Variants in MSI2 observed in about 807,000 individuals in gnomAD.
MSI2 encodes musashi RNA binding protein 2, also known as RNA-binding protein Musashi homolog 2.
Under a neutral mutation model 45.6 loss-of-function variants are expected in MSI2, and 17 were observed. The observed-to-expected ratio is 0.37, with a 90% confidence interval of 0.26 to 0.56. The LOEUF (loss-of-function observed/expected upper bound fraction) is 0.56, where lower values mean the gene tolerates loss of function less well. Ranked by LOEUF, MSI2 falls within the 20% of genes least tolerant of loss-of-function variation. The pLI is 0.77. For missense variants in MSI2, 293 were observed against 444.2 expected (o/e 0.66, Z 3.06); for synonymous variants, 156 against 158.2 (o/e 0.99, Z 0.11).
intron 11 of MSI2, among the ~76,000 whole-genome samples, chr17:57,654,957 A>G (rs1316670027): frequency 6.8e-6 from 1 of 147,120 alleles, no homozygotes; most frequent in Non-Finnish European, 1.5e-5. Context: ...TTATAGGGGA[A>G]GCTTCCTGAA....
intron 5 of MSI2, among the ~76,000 whole-genome samples, chr17:57,389,431 A>G (rs1056170962): frequency 6.6e-6 from 1 of 152,178 alleles, no homozygotes; most frequent in Admixed American, 6.5e-5. Context: ...TCCTTCTGCC[A>G]GACAGGCTGC....
intron 5 of MSI2, among the ~76,000 whole-genome samples, chr17:57,290,339 T>C (rs1910299097): frequency 6.6e-6 from 1 of 152,200 alleles, no homozygotes; most frequent in South Asian, 2.1e-4. Context: ...AGACAGAGTC[T>C]CCCTCTGTTA....
chr17:57,255,933 GC>G (rs1906672048), upstream of MSI2: 1 of 151,966 alleles, frequency 6.6e-6, no homozygotes, highest in Non-Finnish European at 1.5e-5. Flanking sequence ...CCATCCTGAA[GC>G]CCCCCGATCC....
intron 5 of MSI2, among the ~76,000 whole-genome samples, chr17:57,288,165 G>A (rs537015549): frequency 1.3e-5 from 2 of 152,340 alleles, no homozygotes; most frequent in South Asian, 4.1e-4. Flanking sequence ...TGTGTCATCT[G>A]TAAAATGGGG....
At chr17:57,604,848 C>G (rs1273028125) in intron 8 of MSI2, among the ~76,000 whole-genome samples, 1 of 149,010 alleles carries the variant, frequency 6.7e-6, no homozygotes, top group Non-Finnish European at 1.5e-5. Flanking sequence ...GCCCTGCCAC[C>G]TGGCAAGGTG....
At chr17:57,571,662 AT>A (rs2087881503) in intron 7 of MSI2, among the ~76,000 whole-genome samples, 1 of 152,234 alleles carries the variant, frequency 6.6e-6, no homozygotes, top group South Asian at 2.1e-4. Context: ...TCATCGAATG[AT>A]AGTAAGGATA....
intron 6 of MSI2, among the ~76,000 whole-genome samples, chr17:57,512,768 C>T (rs1174053431): frequency 2.0e-5 from 3 of 152,118 alleles, no homozygotes; most frequent in Admixed American, 6.5e-5. Context: ...ATCCTGGGTA[C>T]TCCTTGCTCA....
At chr17:57,431,596 G>A (rs931971243) in intron 6 of MSI2, among the ~76,000 whole-genome samples, 4 of 152,186 alleles carry the variant, frequency 2.6e-5, no homozygotes, top group African/African-American at 7.2e-5. Context: ...TCTCTTTGAC[G>A]TGAGAAGACA....
intron 7 of MSI2, among the ~76,000 whole-genome samples, chr17:57,567,270 T>C (rs954483393): frequency 2.0e-5 from 3 of 152,156 alleles, no homozygotes; most frequent in African/African-American, 4.8e-5. Context: ...GTGGGGAAAA[T>C]GGCTTGAAAA....
intron 7 of MSI2, among the ~76,000 whole-genome samples, chr17:57,560,364 C>T (rs1231491549): frequency 6.6e-6 from 1 of 152,200 alleles, no homozygotes. Flanking sequence ...AACCCGTGCC[C>T]CTCCGAGGAG....
intron 6 of MSI2, among the ~76,000 whole-genome samples, chr17:57,473,078 A>G (rs2085470665): frequency 2.0e-5 from 3 of 152,136 alleles, no homozygotes. Flanking sequence ...CTTTTAGTAG[A>G]GACGGGGTTT....
At chr17:57,317,183 G>T (rs1460502790) in intron 5 of MSI2, among the ~76,000 whole-genome samples, 1 of 152,154 alleles carries the variant, frequency 6.6e-6, no homozygotes, top group African/African-American at 2.4e-5. Context: ...CTGATCAGTG[G>T]GTGGGCATAT....
At chr17:57,266,089 C>A (rs918879949) in intron 5 of MSI2, 1 of 152,190 alleles carries the variant, frequency 6.6e-6, no homozygotes, top group African/African-American at 2.4e-5. Flanking sequence ...CCTTCCTTAA[C>A]TTTTAGAGGC....
chr17:57,268,321 C>G (rs1052154008), intron 5 of MSI2: 5 of 152,170 alleles, frequency 3.3e-5, no homozygotes, highest in African/African-American at 7.2e-5. Flanking sequence ...ATGACATGCT[C>G]TCAGGTGTGA....
At chr17:57,399,694 CCT>C (rs374130778) in intron 5 of MSI2, among the ~76,000 whole-genome samples, 90 of 152,336 alleles carry the variant, frequency 5.9e-4, no homozygotes, top group Non-Finnish European at 1.2e-3. Flanking sequence ...AGTCTGCAAG[CCT>C]CTCTGCATCA....
At chr17:57,435,980 A>G (rs1288065518) in intron 6 of MSI2, among the ~76,000 whole-genome samples, 1 of 152,222 alleles carries the variant, frequency 6.6e-6, no homozygotes, top group East Asian at 1.9e-4. Flanking sequence ...GTCAGAGCCC[A>G]GGTCTGCTGG....
intron 5 of MSI2, among the ~76,000 whole-genome samples, chr17:57,351,985 G>T (rs1395275983): frequency 6.6e-6 from 1 of 152,238 alleles, no homozygotes; most frequent in Non-Finnish European, 1.5e-5. Context: ...CATACATTGT[G>T]TGAAGAAACA....
intron 7 of MSI2, among the ~76,000 whole-genome samples, chr17:57,570,973 C>T (rs1367830939): frequency 6.6e-6 from 1 of 152,146 alleles, no homozygotes; most frequent in Non-Finnish European, 1.5e-5. Flanking sequence ...TCTGGGGCCC[C>T]TCCCCCTGCA....
At chr17:57,616,293 G>A in intron 9 of MSI2, 2 of 462,244 alleles carry the variant, frequency 4.3e-6, no homozygotes, top group Non-Finnish European at 7.7e-6. Flanking sequence ...GTGTGTGTGT[G>A]TGTGTGTGTG....
Sources: gnomAD v4.1 joint callset for allele counts (sites outside exome capture counted in the v4.1 genomes callset) on GRCh38, gnomAD v4.1.1 for gene constraint, MANE v1.5 for transcripts, NCBI Gene and HGNC (gene_info 2026-07-23, HGNC 2026-07-21) for gene names.